The following AKAIN1 variants were observed in gnomAD, a reference collection of about 807,000 sequenced individuals.
The protein encoded by AKAIN1 is A-kinase anchor inhibitor 1, also known as A-kinase anchor protein inhibitor 1.
In AKAIN1, 3 loss-of-function variants were observed where a neutral mutation model predicts 3.7. The observed-to-expected ratio is 0.82, with a 90% CI of 0.37 to 2.12. AKAIN1 has a LOEUF of 2.12. AKAIN1 is among the 30% of genes most tolerant of loss of function. AKAIN1 has a pLI of 0.06. For synonymous variants in AKAIN1, 31 were observed against 30.8 expected (o/e 1.01, Z -0.02); for missense variants, 82 against 82.7 (o/e 0.99, Z 0.03).
At chr18:5,192,393 C>CTTTCTTTCTTTCTTTA in intron 1 of AKAIN1, among the ~76,000 whole-genome samples, 1 of 93,486 alleles carries the variant, frequency 1.1e-5, no homozygotes, top group South Asian at 4.2e-4. Context: ...AATTTTCTTT[C>CTTTCTTTCTTTCTTTA]TTTCTTTCTT....
intron 1 of AKAIN1, among the ~76,000 whole-genome samples, chr18:5,176,781 C>A (rs2071229290): frequency 6.6e-6 from 1 of 152,122 alleles, no homozygotes; most frequent in South Asian, 2.1e-4. Flanking sequence ...ACAACAAATT[C>A]TAATTCTAAG....
At chr18:5,160,064 T>C (rs2071130506) in intron 1 of AKAIN1, among the ~76,000 whole-genome samples, 1 of 152,210 alleles carries the variant, frequency 6.6e-6, no homozygotes, top group African/African-American at 2.4e-5. Flanking sequence ...CTACCATTCT[T>C]GGCCTTGCCT....
chr18:5,156,543 A>G (rs1295260995), intron 1 of AKAIN1, among the ~76,000 whole-genome samples: 2 of 152,224 alleles, frequency 1.3e-5, no homozygotes, highest in Non-Finnish European at 2.9e-5. Flanking sequence ...CAACCTTTTG[A>G]AGACGATTCC....
intron 1 of AKAIN1, among the ~76,000 whole-genome samples, chr18:5,151,587 T>A (rs399623): frequency 3.3e-4 from 51 of 152,332 alleles, no homozygotes; most frequent in African/African-American, 1.1e-3. Context: ...TCAGCAGGCA[T>A]AGGACATTTC....
intron 1 of AKAIN1, among the ~76,000 whole-genome samples, chr18:5,148,701 A>G (rs886929787): frequency 6.6e-6 from 1 of 152,004 alleles, no homozygotes; most frequent in African/African-American, 2.4e-5. Flanking sequence ...ACTAAAACAC[A>G]AAAAGATTAG....
At chr18:5,146,159 T>C (rs1233998187) in intron 1 of AKAIN1, among the ~76,000 whole-genome samples, 8 of 152,226 alleles carry the variant, frequency 5.3e-5, no homozygotes, top group African/African-American at 1.9e-4. Context: ...TCTTCCATGG[T>C]TGTTTGAATC....
In AKAIN1 at chr18:5,187,175, A is replaced by G. The variant is rs181287280; in HGVS notation, c.16+9863T>C. 9.6e-4 allele frequency among the ~76,000 whole-genome samples: 146 copies of G among 152,260 alleles called. 2 individuals are homozygous for G. The East Asian group carries it at 0.024, about 25-fold the overall frequency. On this transcript the variant is annotated intron_variant, in intron 1 of 1. Coordinates refer to ENST00000434239, the MANE Select transcript of AKAIN1 (RefSeq NM_001145194.2). The stretch of plus-strand genomic sequence containing the variant: ...AGTCAAAGCAAGAAGAAAAAAGGAA[A>G]TAATAAAGAGCAGGAATCAACAAAA...
At chr18:5,154,365 T>C (rs1205663757) in intron 1 of AKAIN1, among the ~76,000 whole-genome samples, 1 of 152,164 alleles carries the variant, frequency 6.6e-6, no homozygotes, top group African/African-American at 2.4e-5. Flanking sequence ...ACCAAGACTG[T>C]GTTATGAGTT....
At chr18:5,195,146 A>AT (rs1228054979) in intron 1 of AKAIN1, among the ~76,000 whole-genome samples, 2 of 89,660 alleles carry the variant, frequency 2.2e-5, no homozygotes, top group Admixed American at 1.2e-4. Flanking sequence ...TGAAGAAGTG[A>AT]TGAAAAAAAA....
At chr18:5,182,385 C>T (rs1051431223) in intron 1 of AKAIN1, among the ~76,000 whole-genome samples, 1 of 152,140 alleles carries the variant, frequency 6.6e-6, no homozygotes, top group South Asian at 2.1e-4. Context: ...TTTAGCCGAC[C>T]GTGGGCTAGG....
intron 1 of AKAIN1, among the ~76,000 whole-genome samples, chr18:5,185,879 G>A (rs2071284419): frequency 6.6e-6 from 1 of 152,166 alleles, no homozygotes; most frequent in African/African-American, 2.4e-5. Context: ...ACATGCAGGT[G>A]TATGTTTATC....
At chr18:5,155,494 C>G (rs1040799276) in intron 1 of AKAIN1, among the ~76,000 whole-genome samples, 1 of 152,178 alleles carries the variant, frequency 6.6e-6, no homozygotes, top group South Asian at 2.1e-4. Flanking sequence ...CGAAAGTGTC[C>G]GTTTCTGGCC....
chr18:5,165,293 C>T (rs1337696990), intron 1 of AKAIN1, among the ~76,000 whole-genome samples: 3 of 151,844 alleles, frequency 2.0e-5, no homozygotes, highest in Admixed American at 6.6e-5. Flanking sequence ...CCTTAGCTAC[C>T]GACTCTAACC....
At chr18:5,188,521 CT>C (rs1227452424) in intron 1 of AKAIN1, among the ~76,000 whole-genome samples, 1 of 152,066 alleles carries the variant, frequency 6.6e-6, no homozygotes, top group African/African-American at 2.4e-5. Context: ...ATCCTTCCCC[CT>C]GAGCCCCTTT....
At chr18:5,196,943 G>A in intron 1 of AKAIN1, 95 bp downstream of exon 1, 2 of 1,118,872 alleles carry the variant, frequency 1.8e-6, no homozygotes, top group Admixed American at 4.0e-5. Context: ...CGCGCAGATG[G>A]GCCGTAAGGT....
Sources: allele counts gnomAD v4.1 joint callset (sites outside exome capture counted in the v4.1 genomes callset), GRCh38; gene constraint gnomAD v4.1.1; transcripts MANE v1.5; gene names NCBI Gene and HGNC (gene_info 2026-07-23, HGNC 2026-07-21).